MAGI2: variants seen among roughly 807,000 people sequenced by gnomAD.
MAGI2 encodes the protein membrane-associated guanylate kinase, WW and PDZ domain-containing protein 2.
Under a neutral mutation model 133.3 loss-of-function variants are expected in MAGI2, and 35 were observed. The observed-to-expected ratio is 0.26, with a 90% CI of 0.20 to 0.35. The LOEUF is 0.35. MAGI2 is among the 10% of genes least tolerant of loss of function. The pLI is 1.00. For missense variants in MAGI2, 1,636 were observed against 1,863.4 expected (o/e 0.88, Z 2.25); for synonymous variants, 729 against 710.6 (o/e 1.03, Z -0.41).
chr7:78,714,036 C>T (rs1333553299), intron 2 of MAGI2, among the ~76,000 whole-genome samples: 1 of 131,406 alleles, frequency 7.6e-6, no homozygotes, highest in Non-Finnish European at 1.5e-5. Flanking sequence ...CCCATGTTTT[C>T]AAAAGAGCAC....
At chr7:78,185,555 A>G (rs1183453087) in intron 13 of MAGI2, 74 bp downstream of exon 13, 5 of 1,198,622 alleles carry the variant, frequency 4.2e-6, no homozygotes. Context: ...AACTGATACT[A>G]TCAGAAGAAT....
intron 1 of MAGI2, among the ~76,000 whole-genome samples, chr7:79,234,582 G>T (rs926023440): frequency 1.1e-4 from 17 of 151,780 alleles, no homozygotes; most frequent in Admixed American, 1.1e-3. Context: ...CCAGTTGATC[G>T]CATCGGCTCC....
In MAGI2 at chr7:78,817,658, T is replaced by C. The variant is rs117935707; in HGVS notation, c.418+189432A>G. Among the ~76,000 whole-genome samples the C allele has an allele frequency of 7.2e-3, 1,103 of 152,270 alleles. 41 individuals are homozygous for C. The highest frequency in any genetic ancestry group is 0.051 in the Admixed American group (776 of 15,282). ...AGCAATAAAGTATGTTTAACATATG[T>C]ACATTTTTTAGACATAATGCAATTT... On this transcript the variant is annotated intron_variant, in intron 2 of 21. Coordinates refer to ENST00000354212, the MANE Select transcript of MAGI2 (RefSeq NM_012301.4).
rs138400325 is a variant in MAGI2, at chr7:79,290,224, C to T, written c.301+162796G>A. Among the ~76,000 whole-genome samples the T allele has an allele frequency of 5.2e-3, 797 of 151,992 alleles. 5 individuals carry two copies. Among genetic ancestry groups the T allele is most frequent in the African/African-American group, 0.018 (755 of 41,490 alleles). ...AAGCAAAACACAGAAATTTCCTGTC[C>T]TCACAGAACTCCTATTCTCGTACCA... On this transcript the variant is annotated intron_variant, in intron 1 of 21. Transcript: ENST00000354212.
chr7:78,090,115 C>G (rs1817037910), intron 20 of MAGI2, among the ~76,000 whole-genome samples: 2 of 152,110 alleles, frequency 1.3e-5, no homozygotes, highest in African/African-American at 4.8e-5. Flanking sequence ...CTAATCATGC[C>G]CATTCTTCAA....
At chr7:78,592,880 G>A (rs545638265) in intron 3 of MAGI2, among the ~76,000 whole-genome samples, 17 of 132,772 alleles carry the variant, frequency 1.3e-4, no homozygotes, top group African/African-American at 4.8e-4. Flanking sequence ...TGTTGCCCAG[G>A]CTGGAGGGCA....
At chr7:78,638,479 C>G (rs1218789107) in intron 2 of MAGI2, among the ~76,000 whole-genome samples, 1 of 152,188 alleles carries the variant, frequency 6.6e-6, no homozygotes, top group Non-Finnish European at 1.5e-5. Flanking sequence ...CATGATATTT[C>G]CATCTTTACC....
At position 79,035,266 on chromosome 7, in the gene MAGI2, G is replaced by C. The variant is rs563712033; in HGVS notation, c.302-28060C>G. On this transcript the variant is annotated intron_variant, in intron 1 of 21. Coordinates refer to ENST00000354212, the MANE Select transcript of MAGI2 (RefSeq NM_012301.4). The stretch of plus-strand genomic sequence containing the variant: ...GTGTTGCTGCTCTGGAAGTTAAGGT[G>C]ATTGAAATATTGTTCTATTGTTGCT... Among the ~76,000 whole-genome samples the C allele has an allele frequency of 1.5e-4, 23 of 152,128 alleles. No homozygotes were observed. The South Asian group carries it at 4.4e-3, about 29-fold the overall frequency.
intron 2 of MAGI2, among the ~76,000 whole-genome samples, chr7:78,924,243 T>A (rs1406180509): frequency 6.6e-6 from 1 of 151,930 alleles, no homozygotes; most frequent in Non-Finnish European, 1.5e-5. Context: ...TGAATAAGAG[T>A]GGTGAGAGAG....
chr7:78,040,651 C>G (rs1810730413), intron 21 of MAGI2, among the ~76,000 whole-genome samples: 1 of 152,184 alleles, frequency 6.6e-6, no homozygotes, highest in African/African-American at 2.4e-5. Flanking sequence ...GCACCCGGGG[C>G]AGGTCACCTC....
chr7:78,564,279 T>A (rs1800706399), intron 3 of MAGI2, among the ~76,000 whole-genome samples: 1 of 152,204 alleles, frequency 6.6e-6, no homozygotes, highest in Non-Finnish European at 1.5e-5. Flanking sequence ...TAGGCATTAA[T>A]CTGATTTAAT....
At chr7:78,132,441 A>G (rs1231032036) in intron 18 of MAGI2, among the ~76,000 whole-genome samples, 2 of 152,256 alleles carry the variant, frequency 1.3e-5, no homozygotes, top group Admixed American at 1.3e-4. Context: ...ACATTAAGTA[A>G]GCATGCTTAC....
At chr7:79,217,766 C>T (rs535577143) in intron 1 of MAGI2, among the ~76,000 whole-genome samples, 1 of 152,010 alleles carries the variant, frequency 6.6e-6, no homozygotes, top group African/African-American at 2.4e-5. Context: ...ATGATGATTC[C>T]CACCTCAGAG....
At chr7:78,757,359 T>A (rs1299462672) in intron 2 of MAGI2, among the ~76,000 whole-genome samples, 1 of 151,266 alleles carries the variant, frequency 6.6e-6, no homozygotes, top group Non-Finnish European at 1.5e-5. Context: ...CTCTCTTAAA[T>A]CATTCTCTTT....
intron 2 of MAGI2, among the ~76,000 whole-genome samples, chr7:78,657,355 C>A (rs1331012524): frequency 6.6e-6 from 1 of 152,168 alleles, no homozygotes; most frequent in Non-Finnish European, 1.5e-5. Context: ...AACATGTCCA[C>A]ACAAAAACCT....
Position 78,019,006 on chromosome 7 carries a change from A to T in MAGI2, c.*309T>A, listed in dbSNP as rs1808011621. On this transcript the variant is annotated 3_prime_UTR_variant, in exon 22 of 22. Transcript: ENST00000354212. Reference sequence around the variant, plus strand: ...AGTCCTTCATGCAGTGGGGAGGAATATTTTTTTTTCTTAAACTAAAGCTAC... The same window carrying T: ...AGTCCTTCATGCAGTGGGGAGGAATTTTTTTTTTTCTTAAACTAAAGCTAC... 1 of 394,304 alleles carries T rather than the reference A, an allele frequency of 2.5e-6. No individual in the cohort carries two copies. The highest frequency in any genetic ancestry group is 4.5e-6 in the Non-Finnish European group (1 of 223,244). The allele number at this position is 394,304 out of a possible 1,614,324, so 24.4% of individuals were successfully genotyped here. A position where few individuals can be genotyped will look rare whatever the true frequency, so the allele number is the denominator to read the frequency against.
chr7:78,402,952 C>T (rs1024698939), intron 6 of MAGI2, among the ~76,000 whole-genome samples: 1 of 152,054 alleles, frequency 6.6e-6, no homozygotes, highest in African/African-American at 2.4e-5. Context: ...ATTTGATTTT[C>T]TTATTAAGTC....
chr7:79,304,181 A>ATGTGTGTGTGTGTGTGTGTG (rs373644525), intron 1 of MAGI2, among the ~76,000 whole-genome samples: 33 of 142,228 alleles, frequency 2.3e-4, no homozygotes, highest in Admixed American at 2.1e-4. Flanking sequence ...TTCAACTGGG[A>ATGTGTGTGTGTGTGTGTGTG]TGTGTGTGTG....
chr7:78,934,184 C>A (rs900538999), intron 2 of MAGI2, among the ~76,000 whole-genome samples: 6 of 152,148 alleles, frequency 3.9e-5, no homozygotes, highest in Non-Finnish European at 7.3e-5. Flanking sequence ...TCACTGCAAC[C>A]TTTGTCTCCC....
Sources: allele counts gnomAD v4.1 joint callset (sites outside exome capture counted in the v4.1 genomes callset), GRCh38; gene constraint gnomAD v4.1.1; transcripts MANE v1.5; gene names NCBI Gene and HGNC (gene_info 2026-07-23, HGNC 2026-07-21).